The following ITGA5 variants were observed in gnomAD, a reference collection of about 807,000 sequenced individuals.
ITGA5 encodes integrin subunit alpha 5.
ITGA5 carries 55 observed loss-of-function variants against 146.3 expected under a neutral mutation model. The ratio of observed to expected loss-of-function variants is 0.38; its 90% CI spans 0.30 to 0.47. The LOEUF (loss-of-function observed/expected upper bound fraction) is 0.47, where lower values mean the gene tolerates loss of function less well. Ranked by LOEUF, ITGA5 falls within the 20% of genes least tolerant of loss-of-function variation. The probability of loss-of-function intolerance (pLI) is 0.99; values close to 1 mark genes in which losing one functional copy is unlikely to be tolerated. For synonymous variants in ITGA5, 500 were observed against 531.8 expected, an observed-to-expected ratio of 0.94 and a Z score of 0.82; for missense variants, 1,131 against 1,329.0, an observed-to-expected ratio of 0.85 and a Z score of 2.32.
In ITGA5 at chr12:54,408,933, T is replaced by A; in HGVS notation, c.605A>T (p.Gln202Leu). ...CRSDFSWAAG[Q>L]GYCQGGFSAE... ...ACTGAAGCCTCCTTGGCAGTAACCC[T>A]GTCCTGCTGCCCAGCTGAAATCTGT... Residue 202 changes from glutamine to leucine, a missense_variant, in exon 5 of 30, where the codon CAG (glutamine) becomes CTG (leucine). Around this residue, in one of 3 missense-constraint regions of ITGA5, gnomAD observed 67 missense variants for 128.2 expected, o/e 0.52. Transcript: ENST00000293379. The A allele has an allele frequency of 1.2e-6, 2 of 1,614,088 alleles. No individual in the cohort carries two copies. Among genetic ancestry groups the A allele is most frequent in the Non-Finnish European group, 1.7e-6 (2 of 1,180,004 alleles).
intron 29 of ITGA5, among the ~76,000 whole-genome samples, chr12:54,397,120 T>C (rs1451206055): frequency 6.6e-6 from 1 of 152,174 alleles, no homozygotes; most frequent in African/African-American, 2.4e-5. Context: ...ATCTTTGGGT[T>C]CCAATGATTT....
intron 1 of ITGA5, 72 bp from the exon 2 acceptor site, chr12:54,412,036 C>G: frequency 7.4e-7 from 1 of 1,348,520 alleles, no homozygotes; most frequent in South Asian, 1.5e-5. Context: ...GCAGGAAGGA[C>G]CCAGGCCTCT....
In ITGA5 at chr12:54,401,859, G is replaced by C. The variant is rs753839517; in HGVS notation, c.2227-4C>G. 3.7e-5 allele frequency: 59 copies of C among 1,613,844 alleles called. No homozygotes were observed. Among genetic ancestry groups the C allele is most frequent in the Non-Finnish European group, 4.7e-5 (56 of 1,179,900 alleles). ...TAAACCGAAGGCCACCCCACAGCTG[G>C]GGACAGAAAAAGAGGAAAAGAGGGC... On this transcript the variant is annotated splice_polypyrimidine_tract_variant and splice_region_variant and intron_variant, in intron 21 of 29. Coordinates refer to ENST00000293379, the MANE Select transcript of ITGA5 (RefSeq NM_002205.5). The surrounding 1 kb of genome is among the most constrained non-coding windows in gnomAD (Gnocchi z 5.0).
chr12:54,404,546 G>C, intron 13 of ITGA5, 71 bp from the exon 14 acceptor site: 1 of 1,571,466 alleles, frequency 6.4e-7, no homozygotes, highest in Non-Finnish European at 8.8e-7. Context: ...AACCCCTCCT[G>C]GTTTCAACGC....
intron 20 of ITGA5, 33 bp from the exon 21 acceptor site, chr12:54,402,126 G>T (rs973760081): frequency 2.5e-6 from 4 of 1,613,828 alleles, no homozygotes; most frequent in African/African-American, 2.7e-5. Context: ...TCAGGTTTTG[G>T]TGTCCCCTCT....
At chr12:54,417,654 G>A (rs1956024170) in intron 1 of ITGA5, among the ~76,000 whole-genome samples, 1 of 152,120 alleles carries the variant, frequency 6.6e-6, no homozygotes, top group Non-Finnish European at 1.5e-5. Flanking sequence ...ACTGAGTAGA[G>A]ATCAGTTAAC....
Position 54,398,747 on chromosome 12 carries a change from G to A in ITGA5, c.2842-49C>T, listed in dbSNP as rs773311162. On this transcript the variant is annotated intron_variant, in intron 27 of 29. Coordinates refer to ENST00000293379, the MANE Select transcript of ITGA5 (RefSeq NM_002205.5). ...AGCACATCCTCTCTTGGGATCCAGA[G>A]GACATAGGGTTCCCCATCGTCTGGC... is the stretch of plus-strand genomic sequence containing the variant. 2.3e-6 allele frequency: 3 copies of A among 1,284,302 alleles called. No individual in the cohort carries two copies. The East Asian group carries it at 8.0e-5, about 34-fold the overall frequency. 79.6% of individuals were successfully genotyped at this position (1,284,302 alleles called of 1,614,324 possible). A position where few individuals can be genotyped will look rare whatever the true frequency, so the allele number is the denominator to read the frequency against.
In ITGA5 at chr12:54,404,744, G is replaced by T; in HGVS notation, c.1376C>A (p.Ala459Asp). 6.2e-7 allele frequency: 1 copy of T among 1,614,122 alleles called. No individual in the cohort carries two copies. Residue 459 changes from alanine (A) to aspartate (D), a missense_variant, in exon 13 of 30, where the codon GCC becomes GAC. Physicochemically the swap from Ala to Asp is moderately radical, Grantham distance 126. Coordinates refer to ENST00000293379, the MANE Select transcript of ITGA5 (RefSeq NM_002205.5). Reference sequence around the variant, plus strand: ...ATCCAGGTCTCGGCCTCCTCGAAGGGCAGAGCCAAAGAAGTCTGGGGTGTG... The same window carrying T: ...ATCCAGGTCTCGGCCTCCTCGAAGGTCAGAGCCAAAGAAGTCTGGGGTGTG... ...ASHTPDFFGS[A>D]LRGGRDLDGN...
In ITGA5 at chr12:54,403,600, C is replaced by CCA; in HGVS notation, c.1776+23_1776+24dup. ...TGTGTGGCCACCCTCCCTGGCCAGT[C>CCA]CACACCCCGCCCTCTGGGCCATACC... On this transcript the variant is annotated intron_variant, in intron 17 of 29. Transcript: ENST00000293379. The surrounding 1 kb of genome is among the most constrained non-coding windows in gnomAD (Gnocchi z 4.9). The CCA allele has an allele frequency of 6.2e-7, 1 of 1,605,946 alleles. No homozygotes were observed.
chr12:54,407,146 A>G (rs1247424301), intron 9 of ITGA5, among the ~76,000 whole-genome samples: 1 of 152,262 alleles, frequency 6.6e-6, no homozygotes, highest in Non-Finnish European at 1.5e-5. Context: ...ACTTTAGATC[A>G]TAATTGTATG....
intron 28 of ITGA5, among the ~76,000 whole-genome samples, chr12:54,397,991 G>A (rs1310451455): frequency 6.6e-6 from 1 of 150,996 alleles, no homozygotes; most frequent in Admixed American, 6.6e-5. Context: ...TCTGCATCCT[G>A]GTCTCAAGCG....
rs140611366 is a variant in ITGA5 at position 54,395,969 on chromosome 12, TC to T, written c.*323del. The T allele has an allele frequency of 0.019, 4,677 of 250,024 alleles. 126 individuals carry two copies. The highest frequency in any genetic ancestry group is 0.073 in the South Asian group (1,262 of 17,234). The allele number at this position is 250,024 out of a possible 1,614,324, so 15.5% of individuals were successfully genotyped here. On this transcript the variant is annotated 3_prime_UTR_variant, in exon 30 of 30. Transcript: ENST00000293379. ...TGGCCCAAAGAACTGTGAATGGATT[TC>T]CTAGTTATCTTTCCAAGTTGTTTCA...
At chr12:54,404,287 T>A (rs1453333103) in intron 14 of ITGA5, 41 bp from the exon 15 acceptor site, 4 of 1,586,242 alleles carry the variant, frequency 2.5e-6, no homozygotes, top group Non-Finnish European at 3.5e-6. Context: ...TTAGGACTCC[T>A]CTGTAACCTG....
rs779006818 is a variant in ITGA5, at chr12:54,400,985, T to C, written c.2504A>G (p.Gln835Arg). ...ACCCTGGCTAATGGAGCTGGGGCCT[T>C]GGTTGATGAGCTGAGGAGGGAAGAG... ...AVHHVYELIN[Q>R]GPSSISQGVL... is the part of the protein sequence containing the mutation. Residue 835 changes from glutamine (Q) to arginine (R), a missense_variant, in exon 25 of 30, where the codon CAA (glutamine) becomes CGA (arginine). Physicochemically the swap from Gln to Arg is conservative, Grantham distance 43. Coordinates refer to ENST00000293379, the MANE Select transcript of ITGA5 (RefSeq NM_002205.5). 1.2e-6 allele frequency: 2 copies of C among 1,613,648 alleles called. No homozygotes were observed. The highest frequency in any genetic ancestry group is 1.7e-6 in the Non-Finnish European group (2 of 1,179,880).
In ITGA5 at chr12:54,402,275, C is replaced by T. The variant is rs781241844; in HGVS notation, c.2038G>A (p.Ala680Thr). The change falls in exon 20 of 30, where the codon GCC (alanine) becomes ACC (threonine). Residue 680 changes from alanine to threonine, a missense_variant. Around this residue, in one of 3 missense-constraint regions of ITGA5, gnomAD observed 889 missense variants for 1,021.5 expected, o/e 0.87. Transcript: ENST00000293379. ...DKNALNLTFHAQNVGEGGAYE... is the reference protein window; with the variant it reads ...DKNALNLTFHTQNVGEGGAYE... ...GCGCCACCCTCACCCACATTCTGGG[C>T]ATGGAAAGTGAGGTTCAGGGCATTC... 6.2e-7 allele frequency: 1 copy of T among 1,614,188 alleles called. No homozygotes were observed. Among genetic ancestry groups the T allele is most frequent in the South Asian group, 1.1e-5 (1 of 91,080 alleles).
chr12:54,408,673 G>A (rs1028402189), intron 6 of ITGA5, 83 bp downstream of exon 6: 17 of 1,264,160 alleles, frequency 1.3e-5, no homozygotes, highest in Admixed American at 4.5e-5. Flanking sequence ...TTGTGCCACT[G>A]CACTCCAGCC....
In ITGA5 at chr12:54,409,573, A is replaced by G; in HGVS notation, c.374T>C (p.Leu125Pro). The change falls in exon 3 of 30, where the codon CTG becomes CCG. Residue 125 changes from leucine to proline, a missense_variant. Around this residue, in one of 3 missense-constraint regions of ITGA5, gnomAD observed 175 missense variants for 179.3 expected, o/e 0.98. Transcript: ENST00000293379. This position sits in a 1 kb window ranked among gnomAD's most constrained non-coding sequence, Gnocchi z 4.7. ...SKGSRLLESS[L>P]SSSEGEEPVE... ...AGGCTCCTCTCCCTCTGAGCTGGACAGTGAGGACTCCAGGAGCCGAGAGCC... is the reference window on the plus strand; with the variant it reads ...AGGCTCCTCTCCCTCTGAGCTGGACGGTGAGGACTCCAGGAGCCGAGAGCC... The G allele has an allele frequency of 6.2e-7, 1 of 1,613,494 alleles. No individual in the cohort carries two copies. The highest frequency in any genetic ancestry group is 1.7e-5 in the Admixed American group (1 of 60,028).
In ITGA5 at chr12:54,401,050, T is replaced by C. The variant is rs898435137; in HGVS notation, c.2494-55A>G. On this transcript the variant is annotated intron_variant, in intron 24 of 29. Coordinates refer to ENST00000293379, the MANE Select transcript of ITGA5 (RefSeq NM_002205.5). This position sits in a 1 kb window ranked among gnomAD's most constrained non-coding sequence, Gnocchi z 5.0. ...GAAGGAAGGGAATGCTTCTGCCCCA[T>C]TGAGACCCTGGATCACCATGGCTCC... The C allele has an allele frequency of 5.1e-6, 8 of 1,560,682 alleles. No homozygotes were observed. The highest frequency in any genetic ancestry group is 2.3e-5 in the East Asian group (1 of 44,348).
chr12:54,403,556 C>A lies in ITGA5; in HGVS notation c.1776+69G>T. 1 of 1,522,700 alleles carries A rather than the reference C, an allele frequency of 6.6e-7. No individual in the cohort carries two copies. Among genetic ancestry groups the A allele is most frequent in the South Asian group, 1.2e-5 (1 of 81,274 alleles). 94.3% of individuals were successfully genotyped at this position (1,522,700 alleles called of 1,614,324 possible). ...TGGAGTCCCCCAGTCTTTTTCCCTT[C>A]AGGAGGTGCCCTCAGTTCTGTGTGG... is the stretch of plus-strand genomic sequence containing the variant. On this transcript the variant is annotated intron_variant, in intron 17 of 29. Coordinates refer to ENST00000293379, the MANE Select transcript of ITGA5 (RefSeq NM_002205.5). This position sits in a 1 kb window ranked among gnomAD's most constrained non-coding sequence, Gnocchi z 4.9.
Sources: gnomAD v4.1 joint callset for allele counts (sites outside exome capture counted in the v4.1 genomes callset) on GRCh38, gnomAD v4.1.1 for gene constraint, gnomAD v4.1.1 regional missense constraint, Gnocchi (gnomAD v3.1) non-coding constraint, MANE v1.5 for transcripts, NCBI Gene and HGNC (gene_info 2026-07-23, HGNC 2026-07-21) for gene names.